HSPA4L: variants seen among roughly 807,000 people sequenced by gnomAD.
HSPA4L encodes heat shock 70 kDa protein 4L.
Under a neutral mutation model 100.3 loss-of-function variants are expected in HSPA4L, and 48 were observed. That is an observed-to-expected ratio of 0.48 (90% confidence interval 0.38 to 0.61). The LOEUF is 0.61. HSPA4L is among the 20% of genes least tolerant of loss of function. The pLI is 0.00. For missense variants in HSPA4L, 886 were observed against 988.6 expected (o/e 0.90, Z 1.39); for synonymous variants, 319 against 328.2 (o/e 0.97, Z 0.30).
chr4:127,797,769 G>C (rs1733065616), intron 3 of HSPA4L, among the ~76,000 whole-genome samples: 1 of 151,586 alleles, frequency 6.6e-6, no homozygotes, highest in South Asian at 2.1e-4. Context: ...GCCCAGCTAA[G>C]TTTTTGTATT....
At chr4:127,822,154 G>A (rs954606003) in intron 14 of HSPA4L, among the ~76,000 whole-genome samples, 4 of 151,922 alleles carry the variant, frequency 2.6e-5, no homozygotes, top group Admixed American at 1.3e-4. Context: ...CACCCCAAAC[G>A]TTAACTCTAT....
rs755425689 is a variant in HSPA4L at position 127,803,635 on chromosome 4, G to T, written c.670G>T (p.Ala224Ser). ...TGCTTTTTCAATTAAACAGGTCTTG[G>T]CTACTACCTTTGATCCATATTTGGG... ...AFNKGKLKVLATTFDPYLGGR... is the reference protein window; with the variant it reads ...AFNKGKLKVLSTTFDPYLGGR... Residue 224 changes from alanine (A) to serine (S), a missense_variant, in exon 7 of 19, where the codon GCT becomes TCT. Physicochemically the swap from Ala to Ser is moderately conservative, Grantham distance 99. Transcript: ENST00000296464. 26 of 1,610,892 alleles carry T rather than the reference G, an allele frequency of 1.6e-5. No individual in the cohort carries two copies. Among genetic ancestry groups the T allele is most frequent in the Non-Finnish European group, 2.2e-5 (26 of 1,178,802 alleles).
At chr4:127,810,148 A>G (rs1259624026) in intron 11 of HSPA4L, among the ~76,000 whole-genome samples, 1 of 152,220 alleles carries the variant, frequency 6.6e-6, no homozygotes. Context: ...ATAGAAAAAA[A>G]AGGAAAGTGA....
At chr4:127,814,590 C>T (rs566343177) in intron 12 of HSPA4L, among the ~76,000 whole-genome samples, 103 of 151,390 alleles carry the variant, frequency 6.8e-4, no homozygotes, top group Middle Eastern at 6.8e-3. Flanking sequence ...TTTTTTGAGA[C>T]GGAGTCTCGC....
chr4:127,805,042 A>G (rs769320028), intron 8 of HSPA4L, 31 bp from the exon 9 acceptor site: 2 of 1,483,514 alleles, frequency 1.3e-6, no homozygotes, highest in East Asian at 4.6e-5. Context: ...TTTAAAGACT[A>G]TCATTTTTCT....
At position 127,794,126 on chromosome 4, in the gene HSPA4L, A is replaced by G; in HGVS notation, c.157A>G (p.Lys53Glu). The change falls in exon 2 of 19, where the codon AAG (lysine) becomes GAG (glutamate). Residue 53 changes from lysine to glutamate, a missense_variant. By Grantham distance (56) the Lys-to-Glu change is moderately conservative. Transcript: ENST00000296464. The stretch of plus-strand genomic sequence containing the variant: ...AACTCGAGCCATTGGAAATGCAGCA[A>G]AGAGCCAGGTAAATTGTTAATGTGG... ...SRTRAIGNAA[K>E]SQIVTNVRNT... 3 of 1,610,856 alleles carry G rather than the reference A, an allele frequency of 1.9e-6. No homozygotes were observed. Among genetic ancestry groups the G allele is most frequent in the South Asian group, 1.1e-5 (1 of 90,720 alleles).
chr4:127,803,034 G>A (rs1284049653), intron 6 of HSPA4L, among the ~76,000 whole-genome samples: 1 of 152,122 alleles, frequency 6.6e-6, no homozygotes, highest in Non-Finnish European at 1.5e-5. Context: ...GAATTTCTAT[G>A]ACTCTCTTCT....
chr4:127,832,384 A>G (rs917706530), intron 18 of HSPA4L, among the ~76,000 whole-genome samples: 1 of 152,218 alleles, frequency 6.6e-6, no homozygotes, highest in Non-Finnish European at 1.5e-5. Context: ...TAAAGGAAGA[A>G]TTAAAAATTA....
At chr4:127,812,784 G>C in intron 12 of HSPA4L, 2 of 1,470,966 alleles carry the variant, frequency 1.4e-6, no homozygotes, top group Non-Finnish European at 1.9e-6. Context: ...TTCTCACAAA[G>C]TGTGCTGCTC....
chr4:127,823,063 A>G (rs1733854757), intron 15 of HSPA4L, among the ~76,000 whole-genome samples, 169 bp downstream of exon 15: 1 of 152,216 alleles, frequency 6.6e-6, no homozygotes, highest in South Asian at 2.1e-4. Context: ...GGTGAAAAAC[A>G]TATTTTTGAA....
intron 12 of HSPA4L, among the ~76,000 whole-genome samples, chr4:127,815,213 T>C (rs1177983033): frequency 6.6e-6 from 1 of 152,154 alleles, no homozygotes; most frequent in Non-Finnish European, 1.5e-5. Flanking sequence ...AAAATAGCAT[T>C]GATTTTCCCG....
Position 127,795,818 on chromosome 4 carries a change from G to T in HSPA4L, c.216G>T (p.Gly72=), listed in dbSNP as rs1733003985. 6.2e-7 allele frequency: 1 copy of T among 1,613,516 alleles called. No individual in the cohort carries two copies. The highest frequency in any genetic ancestry group is 1.3e-5 in the African/African-American group (1 of 74,876). Residue 72 remains glycine (G), a synonymous_variant, in exon 3 of 19, where the codon GGG becomes GGT. Transcript: ENST00000296464. The part of the protein sequence containing the change: ...NTIHGFKKLH[G]RSFDDPIVQT... Reference sequence around the variant, plus strand: ...TTCATGGCTTCAAAAAGCTTCATGGGCGATCATTTGATGATCCCATTGTGC... The same window carrying T: ...TTCATGGCTTCAAAAAGCTTCATGGTCGATCATTTGATGATCCCATTGTGC...
At chr4:127,805,266 G>T (rs765036037) in intron 9 of HSPA4L, 42 bp downstream of exon 9, 8 of 1,494,804 alleles carry the variant, frequency 5.4e-6, no homozygotes, top group Non-Finnish European at 7.3e-6. Context: ...TATTTTGCCA[G>T]AAATGAGTGA....
chr4:127,782,897 T>C (rs1401160166), intron 1 of HSPA4L, among the ~76,000 whole-genome samples: 1 of 152,264 alleles, frequency 6.6e-6, no homozygotes, highest in Non-Finnish European at 1.5e-5. Context: ...TGCGCAGCTC[T>C]CTTTTCTGTA....
At chr4:127,801,518 T>A (rs1458462637) in intron 5 of HSPA4L, among the ~76,000 whole-genome samples, 2 of 151,544 alleles carry the variant, frequency 1.3e-5, no homozygotes, top group African/African-American at 2.4e-5. Flanking sequence ...CTGATTCTTA[T>A]AAGCTTGTTA....
chr4:127,805,829 A>G (rs1215135918), intron 10 of HSPA4L, 36 bp downstream of exon 10: 3 of 1,393,318 alleles, frequency 2.2e-6, no homozygotes, highest in African/African-American at 2.8e-5. Context: ...AGAGCTTGTC[A>G]TAAATCTTTA....
At chr4:127,782,223 A>G (rs1375104542), upstream of HSPA4L, 1 of 393,034 alleles carries the variant, frequency 2.5e-6, no homozygotes, top group African/African-American at 2.2e-5. Flanking sequence ...CCGGGCCCGG[A>G]GCTGGCTCGG....
chr4:127,799,875 C>G (rs1315965480), intron 4 of HSPA4L, among the ~76,000 whole-genome samples: 1 of 152,148 alleles, frequency 6.6e-6, no homozygotes, highest in Non-Finnish European at 1.5e-5. Flanking sequence ...TGCATGATAA[C>G]TTAGATTTTT....
At chr4:127,823,434 G>A (rs1227975393) in intron 15 of HSPA4L, 83 bp from the exon 16 acceptor site, 7 of 878,560 alleles carry the variant, frequency 8.0e-6, no homozygotes, top group Non-Finnish European at 1.1e-5. Flanking sequence ...CAGGCATGAG[G>A]CACTGCACTG....
Sources: gnomAD v4.1 joint callset for allele counts (sites outside exome capture counted in the v4.1 genomes callset) on GRCh38, gnomAD v4.1.1 for gene constraint, MANE v1.5 for transcripts, NCBI Gene and HGNC (gene_info 2026-07-23, HGNC 2026-07-21) for gene names.